The following FOXN3 variants were observed in gnomAD, a reference collection of about 807,000 sequenced individuals.
The protein encoded by FOXN3 is forkhead box N3, also known as forkhead box protein N3.
FOXN3 carries 7 observed loss-of-function variants against 38.4 expected under a neutral mutation model. That is an observed-to-expected ratio of 0.18 (90% CI 0.10 to 0.34). The LOEUF is 0.34. FOXN3 is among the 10% of genes least tolerant of loss of function. The probability of loss-of-function intolerance (pLI) is 1.00; values close to 1 mark genes in which losing one functional copy is unlikely to be tolerated. For synonymous variants in FOXN3, 230 were observed against 242.2 expected, an observed-to-expected ratio of 0.95 and a Z score of 0.47; for missense variants, 456 against 613.4, an observed-to-expected ratio of 0.74 and a Z score of 2.71.
At chr14:89,505,057 T>C (rs924573793) in intron 1 of FOXN3, among the ~76,000 whole-genome samples, 3 of 152,188 alleles carry the variant, frequency 2.0e-5, no homozygotes, top group Non-Finnish European at 4.4e-5. Flanking sequence ...AAAAGATGCA[T>C]GCTCCGTGAA....
chr14:89,576,133 T>C (rs1895611752), intron 1 of FOXN3: 2 of 152,162 alleles, frequency 1.3e-5, no homozygotes, highest in African/African-American at 2.4e-5. Context: ...AGGGGGAAAA[T>C]GTTAGAAATA....
chr14:89,497,423 T>A (rs1265640999), intron 1 of FOXN3, among the ~76,000 whole-genome samples: 3 of 94,078 alleles, frequency 3.2e-5, no homozygotes, highest in Non-Finnish European at 6.7e-5. Flanking sequence ...TTTTTTTTTT[T>A]GAGATGGAGT....
At chr14:89,313,596 G>A (rs200336446) in intron 3 of FOXN3, among the ~76,000 whole-genome samples, 2 of 150,714 alleles carry the variant, frequency 1.3e-5, no homozygotes. Flanking sequence ...CGAAGTCCAT[G>A]TATACTACTG....
Position 89,159,391 on chromosome 14 carries a change from G to A in FOXN3, c.*3023C>T, listed in dbSNP as rs1010800167. 2.0e-5 allele frequency: 3 copies of A among 152,636 alleles called. No individual in the cohort carries two copies. The highest frequency in any genetic ancestry group is 4.4e-5 in the Non-Finnish European group (3 of 68,046). The allele number at this position is 152,636 out of a possible 1,614,324, so 9.5% of individuals were successfully genotyped here. A position where few individuals can be genotyped will look rare whatever the true frequency, so the allele number is the denominator to read the frequency against. On this transcript the variant is annotated 3_prime_UTR_variant, in exon 6 of 6. Transcript: ENST00000557258. ...CGACAAGTCTTCCGGCAGATCCAACGAAGGGAGACTCAGGAAAATCACACT... is the reference window on the plus strand; with the variant it reads ...CGACAAGTCTTCCGGCAGATCCAACAAAGGGAGACTCAGGAAAATCACACT...
At chr14:89,281,063 A>G (rs2139917795) in intron 3 of FOXN3, 49 bp from the exon 4 acceptor site, 1 of 1,500,430 alleles carries the variant, frequency 6.7e-7, no homozygotes, top group Non-Finnish European at 9.2e-7. Flanking sequence ...CTGCACTCAC[A>G]CACCTGCAAC....
In FOXN3 at chr14:89,161,596, T is replaced by C. The variant is rs34430526; in HGVS notation, c.*818A>G. On this transcript the variant is annotated 3_prime_UTR_variant, in exon 6 of 6. Coordinates refer to ENST00000557258, the MANE Select transcript of FOXN3 (RefSeq NM_005197.4). ...GTGTGTGTGTGTGTGTGTGTGTGTG[T>C]GCGTGCGTGCACAGGGCCAATCTTC... 3.9e-3 allele frequency: 539 copies of C among 136,624 alleles called. 1 individual carries two copies. Among genetic ancestry groups the C allele is most frequent in the Non-Finnish European group, 5.3e-3 (331 of 62,730 alleles). The allele number at this position is 136,624 out of a possible 1,614,324, so 8.5% of individuals were successfully genotyped here.
intron 3 of FOXN3, among the ~76,000 whole-genome samples, chr14:89,286,071 A>G (rs1055805583): frequency 6.6e-6 from 1 of 151,494 alleles, no homozygotes; most frequent in African/African-American, 2.4e-5. Context: ...GGGTCTCACT[A>G]TGTTGCTCAG....
chr14:89,260,394 C>T (rs1885760457), intron 4 of FOXN3, among the ~76,000 whole-genome samples: 1 of 152,246 alleles, frequency 6.6e-6, no homozygotes, highest in Non-Finnish European at 1.5e-5. Flanking sequence ...CAGCCTGCAC[C>T]AGAGCTCTGG....
At chr14:89,598,252 A>G (rs1380165331) in intron 1 of FOXN3, among the ~76,000 whole-genome samples, 1 of 152,170 alleles carries the variant, frequency 6.6e-6, no homozygotes, top group Admixed American at 6.5e-5. Context: ...TTTAAACTCC[A>G]CAAAACATAA....
At chr14:89,217,339 A>G (rs144568358) in intron 4 of FOXN3, among the ~76,000 whole-genome samples, 1 of 152,146 alleles carries the variant, frequency 6.6e-6, no homozygotes, top group East Asian at 1.9e-4. Flanking sequence ...GGGTCTCTCT[A>G]TGTTGCCCAA....
intron 3 of FOXN3, among the ~76,000 whole-genome samples, chr14:89,309,054 CTCTT>C (rs924827752): frequency 1.3e-5 from 2 of 152,152 alleles, no homozygotes; most frequent in African/African-American, 4.8e-5. Context: ...ATAAAACTGT[CTCTT>C]TGTTTGTTTT....
chr14:89,601,574 C>T (rs1427440315), intron 1 of FOXN3, among the ~76,000 whole-genome samples: 5 of 152,134 alleles, frequency 3.3e-5, no homozygotes, highest in African/African-American at 4.8e-5. Flanking sequence ...AACTCAGGTA[C>T]AGGGTGATAT....
intron 1 of FOXN3, among the ~76,000 whole-genome samples, chr14:89,507,646 A>G (rs939221357): frequency 5.9e-5 from 9 of 152,242 alleles, no homozygotes; most frequent in African/African-American, 1.4e-4. Context: ...ATTCAGAAAC[A>G]GCAAGGAAAG....
At chr14:89,290,086 G>A (rs8009909) in intron 3 of FOXN3, 6,637 of 161,362 alleles carry the variant, frequency 0.041, 478 homozygotes, top group African/African-American at 0.15. Flanking sequence ...ACGATGCTGT[G>A]TCTATAGCAC....
intron 1 of FOXN3, among the ~76,000 whole-genome samples, chr14:89,436,642 G>A (rs769015420): frequency 6.6e-6 from 1 of 152,202 alleles, no homozygotes; most frequent in Non-Finnish European, 1.5e-5. Flanking sequence ...AGCCTGAGCT[G>A]GCTTTTCGGT....
At chr14:89,261,806 T>G (rs940460641) in intron 4 of FOXN3, among the ~76,000 whole-genome samples, 4 of 152,168 alleles carry the variant, frequency 2.6e-5, no homozygotes, top group Non-Finnish European at 5.9e-5. Context: ...CAGGCGCCTA[T>G]AGTCCCAGCT....
intron 1 of FOXN3, chr14:89,576,216 A>G (rs1186128336): frequency 6.6e-6 from 1 of 152,230 alleles, no homozygotes; most frequent in Non-Finnish European, 1.5e-5. Flanking sequence ...AGACCACTTT[A>G]TATTAACTAA....
intron 2 of FOXN3, among the ~76,000 whole-genome samples, chr14:89,377,032 A>AAAAAAAAAAAAAAAAAAC: frequency 1.2e-5 from 1 of 82,832 alleles, no homozygotes; most frequent in African/African-American, 4.2e-5. Context: ...AAAAAAAAAA[A>AAAAAAAAAAAAAAAAAAC]AAAAAAAAAA....
upstream of FOXN3, chr14:89,419,112 C>T (rs1458136958): frequency 4.4e-6 from 2 of 455,798 alleles, no homozygotes; most frequent in Non-Finnish European, 8.8e-6. Context: ...TGTGTTTTTG[C>T]TTCTTGCATT....
Sources: allele counts gnomAD v4.1 joint callset (sites outside exome capture counted in the v4.1 genomes callset), GRCh38; gene constraint gnomAD v4.1.1; transcripts MANE v1.5; gene names NCBI Gene and HGNC (gene_info 2026-07-23, HGNC 2026-07-21).